The following KDM5A variants were observed in gnomAD, a reference collection of about 807,000 sequenced individuals.
KDM5A encodes lysine demethylase 5A.
A neutral mutation model predicts 193.5 loss-of-function variants in KDM5A; 42 were observed. The ratio of observed to expected loss-of-function variants is 0.22; its 90% CI spans 0.17 to 0.28. KDM5A has a LOEUF of 0.28. Among genes scored for constraint, KDM5A ranks in the 10% least tolerant of loss-of-function variants. The pLI is 1.00. For missense variants in KDM5A, 1,692 were observed against 2,055.1 expected (o/e 0.82, Z 3.42); for synonymous variants, 796 against 718.1 (o/e 1.11, Z -1.73).
chr12:366,670 C>T (rs868702383), intron 3 of KDM5A, among the ~76,000 whole-genome samples: 5 of 152,160 alleles, frequency 3.3e-5, no homozygotes, highest in Admixed American at 1.3e-4. Flanking sequence ...GTAGATTTAC[C>T]GATACGGAGT....
chr12:356,844 G>A (rs568661062), intron 5 of KDM5A, among the ~76,000 whole-genome samples: 53 of 152,212 alleles, frequency 3.5e-4, no homozygotes, highest in Non-Finnish European at 5.3e-4. Flanking sequence ...ACTTCCTACC[G>A]GACACCTGTA....
intron 5 of KDM5A, among the ~76,000 whole-genome samples, chr12:359,758 TG>T (rs1295145698): frequency 1.0e-4 from 4 of 39,248 alleles, no homozygotes; most frequent in East Asian, 8.8e-4. Flanking sequence ...AAAAAAAGGG[TG>T]GGGGGGAGTG....
At chr12:337,594 A>T (rs1943950803) in intron 10 of KDM5A, among the ~76,000 whole-genome samples, 2 of 152,188 alleles carry the variant, frequency 1.3e-5, no homozygotes, top group Admixed American at 6.5e-5. Context: ...AGGGAAACAT[A>T]AGTTTTGAAA....
At chr12:292,297 G>GT (rs1267650596) in intron 27 of KDM5A, among the ~76,000 whole-genome samples, 15 of 152,280 alleles carry the variant, frequency 9.9e-5, no homozygotes, top group African/African-American at 3.6e-4. Flanking sequence ...AGCTCTGAGT[G>GT]TAAGATATGG....
intron 27 of KDM5A, chr12:286,123 T>C: frequency 2.0e-6 from 1 of 489,982 alleles, no homozygotes; most frequent in Non-Finnish European, 4.2e-6. Context: ...GAGCATTAAA[T>C]ACCTTTTTAG....
At chr12:340,694 C>CAA (rs375465074) in intron 10 of KDM5A, among the ~76,000 whole-genome samples, 5,432 of 49,512 alleles carry the variant, frequency 0.11, 416 homozygotes, top group South Asian at 0.2. Flanking sequence ...GACTCCATCA[C>CAA]AAAAAAAAAA....
In KDM5A at chr12:379,806, CA is replaced by C. The variant is rs139153148; in HGVS notation, c.366+4224del. Among the ~76,000 whole-genome samples the C allele has an allele frequency of 9.1e-4, 139 of 152,232 alleles. 1 individual carries two copies. The East Asian group carries it at 0.022, about 24-fold the overall frequency. On this transcript the variant is annotated intron_variant, in intron 3 of 27. Transcript: ENST00000399788. ...TCAATAAGTTTTCTGAATATTTAAACAAAGTGTACTTTATTAGTAGTATGAA... is the reference window on the plus strand; with the variant it reads ...TCAATAAGTTTTCTGAATATTTAAACAAGTGTACTTTATTAGTAGTATGAA...
Position 282,418 on chromosome 12 carries a change from C to A in KDM5A, c.*3038G>T, listed in dbSNP as rs932025233. On this transcript the variant is annotated 3_prime_UTR_variant, in exon 28 of 28. Coordinates refer to ENST00000399788, the MANE Select transcript of KDM5A (RefSeq NM_001042603.3). The stretch of plus-strand genomic sequence containing the variant: ...TACTGAGGCACAAATTTGAATCATG[C>A]AGGCAAAGCTGGTGTGCAGCAGCTT... The A allele has an allele frequency of 1.3e-5, 3 of 233,126 alleles. No individual in the cohort carries two copies. The highest frequency in any genetic ancestry group is 6.6e-5 in the African/African-American group (3 of 45,348). 14.4% of individuals were successfully genotyped at this position (233,126 alleles called of 1,614,324 possible).
In KDM5A at chr12:321,082, C is replaced by T; in HGVS notation, c.2454G>A (p.Arg818=). 2 of 1,613,846 alleles carry T rather than the reference C, an allele frequency of 1.2e-6. No homozygotes were observed. The highest frequency in any genetic ancestry group is 1.7e-6 in the Non-Finnish European group (2 of 1,179,742). ...TCAATTCTTCCACTGTCAGTTTGGT[C>T]CGAGTCCTCCCACTATCTGGGCTCT... ...HRQSPDSGRT[R]TKLTVEELKA... is the part of the protein sequence containing the mutation. The change falls in exon 18 of 28, where the codon CGG becomes CGA. Residue 818 remains arginine, a synonymous_variant. Transcript: ENST00000399788.
In KDM5A at chr12:318,402, T is replaced by C. The variant is rs370420375; in HGVS notation, c.2601A>G (p.Glu867=). 3.1e-6 allele frequency: 5 copies of C among 1,614,042 alleles called. No individual in the cohort carries two copies. The African/African-American group carries it at 6.7e-5, about 22-fold the overall frequency. ...HERAQEAMMD[E]TPDSSKLQML... ...TCTGGAGTTTGGAAGAATCTGGGGTTTCATCCATCATGGCCTCCTGAGCAC... is the reference window on the plus strand; with the variant it reads ...TCTGGAGTTTGGAAGAATCTGGGGTCTCATCCATCATGGCCTCCTGAGCAC... The change falls in exon 19 of 28, where the codon GAA becomes GAG. Residue 867 remains glutamate (E), a synonymous_variant. Transcript: ENST00000399788.
At chr12:321,536 G>A (rs1401276327) in intron 17 of KDM5A, among the ~76,000 whole-genome samples, 1 of 152,146 alleles carries the variant, frequency 6.6e-6, no homozygotes, top group African/African-American at 2.4e-5. Context: ...TTCTCCAAGT[G>A]GGGTCACTGA....
At chr12:289,050 T>A (rs577792892) in intron 27 of KDM5A, among the ~76,000 whole-genome samples, 1 of 152,078 alleles carries the variant, frequency 6.6e-6, no homozygotes, top group Non-Finnish European at 1.5e-5. Flanking sequence ...CCCATGAAAA[T>A]CTTAAATCAG....
chr12:374,122 T>G (rs1195889657), intron 3 of KDM5A, among the ~76,000 whole-genome samples: 2 of 152,172 alleles, frequency 1.3e-5, no homozygotes, highest in African/African-American at 4.8e-5. Flanking sequence ...CTGATTTCAA[T>G]TCCTGGATAT....
chr12:311,239 G>A (rs1943582423), intron 20 of KDM5A, 175 bp from the exon 21 acceptor site: 4 of 642,636 alleles, frequency 6.2e-6, no homozygotes, highest in East Asian at 2.8e-5. Context: ...TAAAGTTTGT[G>A]TAAATTATTT....
intron 5 of KDM5A, among the ~76,000 whole-genome samples, chr12:362,128 G>A (rs1012375953): frequency 1.3e-5 from 2 of 152,106 alleles, no homozygotes; most frequent in Non-Finnish European, 2.9e-5. Flanking sequence ...ATTCCGTGAA[G>A]GTGCTTTTCC....
At chr12:364,187 A>G (rs1944323293) in intron 4 of KDM5A, among the ~76,000 whole-genome samples, 2 of 152,176 alleles carry the variant, frequency 1.3e-5, no homozygotes, top group South Asian at 4.1e-4. Flanking sequence ...AAAAATTTAC[A>G]CAGGCCGGGT....
Position 313,139 on chromosome 12 carries a change from G to C in KDM5A, c.2953C>G (p.Pro985Ala), listed in dbSNP as rs1402515812. 6.2e-7 allele frequency: 1 copy of C among 1,614,108 alleles called. No homozygotes were observed. The highest frequency in any genetic ancestry group is 8.5e-7 in the Non-Finnish European group (1 of 1,179,974). Residue 985 changes from proline to alanine, a missense_variant, in exon 20 of 28, where the codon CCA (proline) becomes GCA (alanine). This residue lies in a region of KDM5A where 965 missense variants were observed against 1,061.0 expected (regional missense o/e 0.91). Transcript: ENST00000399788. ...ESIVNEAKNI[P>A]AFLPNVLSLK... ...GACAACACATTGGGTAGAAAGGCTG[G>C]AATGTTCTTGGCTTCATTCACAATG...
chr12:344,256 T>C (rs958926723), intron 10 of KDM5A, among the ~76,000 whole-genome samples: 1 of 152,188 alleles, frequency 6.6e-6, no homozygotes, highest in Admixed American at 6.5e-5. Context: ...CCAATAAATA[T>C]GGGACTATGT....
intron 14 of KDM5A, among the ~76,000 whole-genome samples, chr12:326,397 G>C (rs560698830): frequency 1.8e-4 from 28 of 152,172 alleles, no homozygotes; most frequent in Non-Finnish European, 3.4e-4. Flanking sequence ...AACAGTCAAA[G>C]GCTGAACCCT....
Sources: allele counts gnomAD v4.1 joint callset (sites outside exome capture counted in the v4.1 genomes callset), GRCh38; gene constraint gnomAD v4.1.1; regional missense constraint gnomAD v4.1.1; transcripts MANE v1.5; gene names NCBI Gene and HGNC (gene_info 2026-07-23, HGNC 2026-07-21).